PIAS4: variants seen among roughly 807,000 people sequenced by gnomAD.
PIAS4 encodes the protein E3 SUMO-protein ligase PIAS4.
In PIAS4, 7 loss-of-function variants were observed where a neutral mutation model predicts 58.0. The observed-to-expected ratio is 0.12, with a 90% confidence interval of 0.07 to 0.23. The LOEUF (loss-of-function observed/expected upper bound fraction) is 0.23, where lower values mean the gene tolerates loss of function less well. PIAS4 is among the 10% of genes least tolerant of loss of function. The pLI is 1.00. For missense variants in PIAS4, 550 were observed against 709.5 expected, an observed-to-expected ratio of 0.78 and a Z score of 2.55; for synonymous variants, 364 against 312.4, an observed-to-expected ratio of 1.17 and a Z score of -1.74.
At chr19:4,008,201 G>A (rs2039961498) in intron 1 of PIAS4, among the ~76,000 whole-genome samples, 1 of 152,104 alleles carries the variant, frequency 6.6e-6, no homozygotes, top group African/African-American at 2.4e-5. Flanking sequence ...TGTGTTGGGG[G>A]GAGTGTCTGC....
At chr19:4,023,178 A>AG (rs1312615619) in intron 2 of PIAS4, among the ~76,000 whole-genome samples, 1 of 150,582 alleles carries the variant, frequency 6.6e-6, no homozygotes, top group Non-Finnish European at 1.5e-5. Context: ...GTCTCAAAAA[A>AG]AAAAAAAAAA....
chr19:4,031,739 CCT>C (rs796815637), intron 7 of PIAS4, among the ~76,000 whole-genome samples: 3 of 152,326 alleles, frequency 2.0e-5, no homozygotes, highest in African/African-American at 4.8e-5. Flanking sequence ...CCAGGCTCAG[CCT>C]CTCTGTCACT....
chr19:4,028,555 G>T lies in PIAS4; in HGVS notation c.627G>T (p.Pro209=), dbSNP rs147751353. ...GCTGCCCTCAGGAGGACCAGTACCC[G>T]CCCAACATCGCTGTGAAGGTCAACC... is the stretch of plus-strand genomic sequence containing the variant. ...DTSCPQEDQY[P]PNIAVKVNHS... Residue 209 remains proline, a synonymous_variant, in exon 5 of 11, where the codon CCG becomes CCT. Coordinates refer to ENST00000262971, the MANE Select transcript of PIAS4 (RefSeq NM_015897.4). 2 of 1,612,946 alleles carry T rather than the reference G, an allele frequency of 1.2e-6. No homozygotes were observed. The highest frequency in any genetic ancestry group is 1.1e-5 in the South Asian group (1 of 91,046).
chr19:4,038,254 A>T lies in PIAS4; in HGVS notation c.*379A>T, dbSNP rs2040324909. On this transcript the variant is annotated 3_prime_UTR_variant, in exon 11 of 11. Transcript: ENST00000262971. This position sits in a 1 kb window ranked among gnomAD's most constrained non-coding sequence, Gnocchi z 4.1. ...CCCCGCCGCCCGCCGCCCTCTGCCC[A>T]CGACCATTCCAGCCAGTGCGCGGGG... 4.9e-6 allele frequency: 1 copy of T among 205,678 alleles called. No homozygotes were observed. The highest frequency in any genetic ancestry group is 2.4e-5 in the African/African-American group (1 of 41,508). 12.7% of individuals were successfully genotyped at this position (205,678 alleles called of 1,614,324 possible).
intron 2 of PIAS4, among the ~76,000 whole-genome samples, chr19:4,014,279 G>A (rs1568212719): frequency 6.6e-6 from 1 of 152,290 alleles, no homozygotes; most frequent in Admixed American, 6.5e-5. Context: ...CCACAGCAGT[G>A]TGGACAGGCC....
rs2040320980 is a variant in PIAS4 at position 4,038,078 on chromosome 19, G to A, written c.*203G>A. The A allele has an allele frequency of 3.6e-6, 2 of 552,868 alleles. No homozygotes were observed. Among genetic ancestry groups the A allele is most frequent in the Admixed American group, 3.9e-5 (1 of 25,856 alleles). 34.2% of individuals were successfully genotyped at this position (552,868 alleles called of 1,614,324 possible). A position where few individuals can be genotyped will look rare whatever the true frequency, so the allele number is the denominator to read the frequency against. ...AAAAAAAAGTAAAATGACAAAAAAA[G>A]ATACAAAAAAGAAAAATGAAACAAA... On this transcript the variant is annotated 3_prime_UTR_variant, in exon 11 of 11. Coordinates refer to ENST00000262971, the MANE Select transcript of PIAS4 (RefSeq NM_015897.4). The surrounding 1 kb of genome is among the most constrained non-coding windows in gnomAD (Gnocchi z 4.1).
chr19:4,032,604 A>G (rs2040232829), intron 7 of PIAS4, among the ~76,000 whole-genome samples: 1 of 152,134 alleles, frequency 6.6e-6, no homozygotes, highest in South Asian at 2.1e-4. Context: ...AGAAGCAGCT[A>G]CACTCCTGTC....
Position 4,013,616 on chromosome 19 carries a change from T to C in PIAS4, c.454+267T>C, listed in dbSNP as rs913415818. Among the ~76,000 whole-genome samples, 10 of 151,896 alleles carry C rather than the reference T, an allele frequency of 6.6e-5. No homozygotes were observed. Among genetic ancestry groups the C allele is most frequent in the African/African-American group, 2.4e-4 (10 of 41,388 alleles). Reference sequence around the variant, plus strand: ...GCTCTCAGGAACCTGTGAGCTGTGTTGCGGGGCATTGGGGCTTGGGGGCTC... The same window carrying C: ...GCTCTCAGGAACCTGTGAGCTGTGTCGCGGGGCATTGGGGCTTGGGGGCTC... On this transcript the variant is annotated intron_variant, in intron 2 of 10. Coordinates refer to ENST00000262971, the MANE Select transcript of PIAS4 (RefSeq NM_015897.4). The surrounding 1 kb of genome is among the most constrained non-coding windows in gnomAD (Gnocchi z 5.1).
In PIAS4 at chr19:4,019,408, G is replaced by C. The variant is rs1164783686; in HGVS notation, c.455-4628G>C. 2.0e-5 allele frequency among the ~76,000 whole-genome samples: 3 copies of C among 152,190 alleles called. No homozygotes were observed. The East Asian group carries it at 5.8e-4, about 29-fold the overall frequency. On this transcript the variant is annotated intron_variant, in intron 2 of 10. Coordinates refer to ENST00000262971, the MANE Select transcript of PIAS4 (RefSeq NM_015897.4). ...CCCAGAGTCTTGTTCTTCAATGACT[G>C]GGCCCTGTCTGCCCCAGGCATGGGC... is the stretch of plus-strand genomic sequence containing the variant.
At chr19:4,030,742 G>A (rs956633768) in intron 7 of PIAS4, among the ~76,000 whole-genome samples, 4 of 152,184 alleles carry the variant, frequency 2.6e-5, no homozygotes, top group African/African-American at 7.2e-5. Flanking sequence ...TCAGAAAGTC[G>A]CTGGCCTTCT....
At chr19:4,032,508 C>T (rs1242416257) in intron 7 of PIAS4, among the ~76,000 whole-genome samples, 2 of 152,236 alleles carry the variant, frequency 1.3e-5, no homozygotes, top group Non-Finnish European at 2.9e-5. Context: ...GAGGGGAGGG[C>T]GGCGCCTGCC....
chr19:4,029,062 G>A lies in PIAS4; in HGVS notation c.907+26G>A, dbSNP rs760926967. On this transcript the variant is annotated intron_variant, in intron 7 of 10. Coordinates refer to ENST00000262971, the MANE Select transcript of PIAS4 (RefSeq NM_015897.4). ...GTGAGCAGCTCAGGCCACCTCGGCC[G>A]AGGGGTGCCAAGTCCACCCTGGAAA... 2.9e-5 allele frequency: 44 copies of A among 1,533,536 alleles called. No individual in the cohort carries two copies. In the South Asian group the frequency reaches 3.6e-4, roughly 13 times the overall value. 95.0% of individuals were successfully genotyped at this position (1,533,536 alleles called of 1,614,324 possible). A position where few individuals can be genotyped will look rare whatever the true frequency, so the allele number is the denominator to read the frequency against.
intron 2 of PIAS4, among the ~76,000 whole-genome samples, chr19:4,017,213 A>T (rs1011885268): frequency 2.0e-5 from 3 of 152,136 alleles, no homozygotes; most frequent in South Asian, 2.1e-4. Context: ...CAGGTTGAAG[A>T]GGAGGGATGG....
chr19:4,022,568 G>A (rs113744051), intron 2 of PIAS4, among the ~76,000 whole-genome samples: 3,144 of 151,624 alleles, frequency 0.021, 123 homozygotes, highest in African/African-American at 0.073. Flanking sequence ...GGGTTTCACC[G>A]TGTTAGCCAG....
chr19:4,016,225 G>A (rs1465349238), intron 2 of PIAS4, among the ~76,000 whole-genome samples: 1 of 152,226 alleles, frequency 6.6e-6, no homozygotes, highest in Admixed American at 6.5e-5. Flanking sequence ...TGGGAAGAGA[G>A]GCTGTCAGGA....
intron 9 of PIAS4, among the ~76,000 whole-genome samples, chr19:4,036,238 A>C (rs1356633905): frequency 1.5e-3 from 182 of 123,790 alleles, no homozygotes; most frequent in African/African-American, 6.2e-3. Context: ...ACACACATCT[A>C]TACAGTCCAC....
Position 4,038,083 on chromosome 19 carries a change from A to G in PIAS4, c.*208A>G, listed in dbSNP as rs2040321147. 1 of 556,892 alleles carries G rather than the reference A, an allele frequency of 1.8e-6. No homozygotes were observed. Among genetic ancestry groups the G allele is most frequent in the East Asian group, 3.3e-5 (1 of 30,140 alleles). 34.5% of individuals were successfully genotyped at this position (556,892 alleles called of 1,614,324 possible). On this transcript the variant is annotated 3_prime_UTR_variant, in exon 11 of 11. Transcript: ENST00000262971. The surrounding 1 kb of genome is among the most constrained non-coding windows in gnomAD (Gnocchi z 4.1). ...AAAGTAAAATGACAAAAAAAGATAC[A>G]AAAAAGAAAAATGAAACAAAAAAGT... is the stretch of plus-strand genomic sequence containing the variant.
chr19:4,033,681 C>A, intron 9 of PIAS4, 101 bp downstream of exon 9: 2 of 985,486 alleles, frequency 2.0e-6, no homozygotes, highest in Non-Finnish European at 3.0e-6. Flanking sequence ...CAGCAAGACA[C>A]AGCAGTGGGG....
At position 4,011,199 on chromosome 19, in the gene PIAS4, TCGGGTACC is replaced by T. The variant is rs1417659230; in HGVS notation, c.28-1721_28-1714del. Among the ~76,000 whole-genome samples the T allele has an allele frequency of 3.3e-5, 5 of 152,332 alleles. No individual in the cohort carries two copies. In the East Asian group the frequency reaches 9.6e-4, roughly 29 times the overall value. On this transcript the variant is annotated intron_variant, in intron 1 of 10. Transcript: ENST00000262971. ...GAGTTTGAATGGTTTATTGGTTTCT[TCGGGTACC>T]CGCCAGCTTTCCTTAACACCCTTGA... is the stretch of plus-strand genomic sequence containing the variant.
Sources: gnomAD v4.1 joint callset for allele counts (sites outside exome capture counted in the v4.1 genomes callset) on GRCh38, gnomAD v4.1.1 for gene constraint, Gnocchi (gnomAD v3.1) non-coding constraint, MANE v1.5 for transcripts, NCBI Gene and HGNC (gene_info 2026-07-23, HGNC 2026-07-21) for gene names.